Variants in TTC7B observed in about 807,000 individuals in gnomAD.
TTC7B encodes the protein tetratricopeptide repeat protein 7B.
A neutral mutation model predicts 106.8 loss-of-function variants in TTC7B; 28 were observed. The observed-to-expected ratio is 0.26, with a 90% CI of 0.19 to 0.36. TTC7B has a LOEUF of 0.36. Among genes scored for constraint, TTC7B ranks in the 10% least tolerant of loss-of-function variants. The pLI, the probability that TTC7B is intolerant of heterozygous loss-of-function variation, is 1.00. For missense variants in TTC7B, 862 were observed against 1,076.4 expected, an observed-to-expected ratio of 0.80 and a Z score of 2.79; for synonymous variants, 405 against 430.6, an observed-to-expected ratio of 0.94 and a Z score of 0.74.
intron 5 of TTC7B, among the ~76,000 whole-genome samples, chr14:90,695,807 T>C (rs1887722904): frequency 1.3e-5 from 2 of 151,150 alleles, no homozygotes; most frequent in South Asian, 4.1e-4. Context: ...AAAATAAAAA[T>C]TTGAAAATCA....
chr14:90,653,000 A>C (rs1737475614), intron 12 of TTC7B, 102 bp from the exon 13 acceptor site: 1 of 1,270,170 alleles, frequency 7.9e-7, no homozygotes, highest in African/African-American at 1.5e-5. Context: ...ATTAAAAGCA[A>C]CAATGTCTGA....
intron 18 of TTC7B, among the ~76,000 whole-genome samples, chr14:90,588,067 G>A (rs965246555): frequency 2.0e-5 from 3 of 152,184 alleles, no homozygotes; most frequent in East Asian, 1.9e-4. Flanking sequence ...CAGGGACGTC[G>A]TGTTCCCTCT....
chr14:90,607,449 A>G (rs1892689813), intron 17 of TTC7B, among the ~76,000 whole-genome samples: 1 of 152,174 alleles, frequency 6.6e-6, no homozygotes, highest in Non-Finnish European at 1.5e-5. Flanking sequence ...ATAAGCTGCC[A>G]CCCGCCAGGG....
rs555379520 is a variant in TTC7B, at chr14:90,811,743, G to A, written c.121+4432C>T. ...AATGTCTCAAAATCTTATAGGATCC[G>A]ACAGGCAATGATCTCCTAAGGGAGA... On this transcript the variant is annotated intron_variant, in intron 1 of 19. Coordinates refer to ENST00000328459, the MANE Select transcript of TTC7B (RefSeq NM_001010854.2). Among the ~76,000 whole-genome samples, 7 of 152,312 alleles carry A rather than the reference G, an allele frequency of 4.6e-5. No individual in the cohort carries two copies. The South Asian group carries it at 1.0e-3, about 23-fold the overall frequency.
intron 4 of TTC7B, among the ~76,000 whole-genome samples, chr14:90,740,828 T>G (rs566709435): frequency 2.0e-5 from 3 of 152,256 alleles, no homozygotes; most frequent in African/African-American, 7.2e-5. Flanking sequence ...TGAAACAGTA[T>G]GTTTATAATA....
At chr14:90,612,106 C>T (rs1220755840) in intron 16 of TTC7B, among the ~76,000 whole-genome samples, 2 of 152,184 alleles carry the variant, frequency 1.3e-5, no homozygotes, top group Non-Finnish European at 2.9e-5. Flanking sequence ...AGCGATTTCT[C>T]TAACTACATT....
At chr14:90,730,954 T>A (rs1889301407) in intron 4 of TTC7B, among the ~76,000 whole-genome samples, 1 of 152,212 alleles carries the variant, frequency 6.6e-6, no homozygotes, top group South Asian at 2.1e-4. Context: ...TAGCTGCTAC[T>A]CTTTTTTCTG....
In TTC7B at chr14:90,531,240, A is replaced by T. The variant is rs1464117824; in HGVS notation, c.*10128T>A. The T allele has an allele frequency of 2.0e-5, 3 of 151,872 alleles. No individual in the cohort carries two copies. The highest frequency in any genetic ancestry group is 1.3e-4 in the Admixed American group (2 of 15,268). The allele number at this position is 151,872 out of a possible 1,614,324, so 9.4% of individuals were successfully genotyped here. A position where few individuals can be genotyped will look rare whatever the true frequency, so the allele number is the denominator to read the frequency against. ...GGTGTAGGTTTTACGATCACAAAAG[A>T]AAAGAAAAAGCTGCTTGCTTAAACA... is the stretch of plus-strand genomic sequence containing the variant. On this transcript the variant is annotated 3_prime_UTR_variant, in exon 20 of 20. Coordinates refer to ENST00000328459, the MANE Select transcript of TTC7B (RefSeq NM_001010854.2).
intron 1 of TTC7B, among the ~76,000 whole-genome samples, chr14:90,815,707 G>T (rs1394044600): frequency 6.6e-6 from 1 of 151,696 alleles, no homozygotes; most frequent in Non-Finnish European, 1.5e-5. Flanking sequence ...GATTCCCCAG[G>T]GGTCTATGTA....
In TTC7B at chr14:90,578,401, G is replaced by A. The variant is rs1009925745; in HGVS notation, c.2108-93C>T. 3.0e-6 allele frequency: 4 copies of A among 1,343,282 alleles called. No individual in the cohort carries two copies. The African/African-American group carries it at 5.7e-5, about 19-fold the overall frequency. 83.2% of individuals were successfully genotyped at this position (1,343,282 alleles called of 1,614,324 possible). ...TCTGATGTTCGTGTTCCCTGCACGG[G>A]AGTCTGGCGGGGCGCAGAGCCAGCT... On this transcript the variant is annotated intron_variant, in intron 18 of 19. Coordinates refer to ENST00000328459, the MANE Select transcript of TTC7B (RefSeq NM_001010854.2). The surrounding 1 kb of genome is among the most constrained non-coding windows in gnomAD (Gnocchi z 4.7).
rs755870288 is a variant in TTC7B at position 90,647,031 on chromosome 14, A to C, written c.1518-8T>G. ...GGTGACAGGCTGTGGGCCCTGAAAA[A>C]GTATTTACGGCTATTAGTACATGGG... On this transcript the variant is annotated splice_polypyrimidine_tract_variant and splice_region_variant and intron_variant, in intron 13 of 19. Coordinates refer to ENST00000328459, the MANE Select transcript of TTC7B (RefSeq NM_001010854.2). 2 of 1,613,954 alleles carry C rather than the reference A, an allele frequency of 1.2e-6. No individual in the cohort carries two copies. Among genetic ancestry groups the C allele is most frequent in the Non-Finnish European group, 1.7e-6 (2 of 1,179,922 alleles).
intron 9 of TTC7B, 183 bp downstream of exon 9, chr14:90,676,340 A>C: frequency 1.9e-6 from 1 of 536,484 alleles, no homozygotes; most frequent in Non-Finnish European, 3.2e-6. Flanking sequence ...CAATTCCACC[A>C]CCTAATCATT....
At chr14:90,810,228 A>G (rs962344966) in intron 1 of TTC7B, among the ~76,000 whole-genome samples, 2 of 152,208 alleles carry the variant, frequency 1.3e-5, no homozygotes, top group Non-Finnish European at 2.9e-5. Context: ...ATGCCGCCCC[A>G]GACCCCATTG....
chr14:90,676,439 G>A (rs370902232), intron 9 of TTC7B, 84 bp downstream of exon 9: 6 of 1,518,468 alleles, frequency 4.0e-6, no homozygotes. Flanking sequence ...GGGGGGCCCA[G>A]GACCAGGTCT....
chr14:90,554,682 G>T (rs1890229635), intron 19 of TTC7B, among the ~76,000 whole-genome samples: 1 of 152,208 alleles, frequency 6.6e-6, no homozygotes, highest in Admixed American at 6.5e-5. Context: ...TGTAGTCCCA[G>T]CATCTGCCAC....
At position 90,539,142 on chromosome 14, in the gene TTC7B, G is replaced by A. The variant is rs963225516; in HGVS notation, c.*2226C>T. On this transcript the variant is annotated 3_prime_UTR_variant, in exon 20 of 20. Coordinates refer to ENST00000328459, the MANE Select transcript of TTC7B (RefSeq NM_001010854.2). ...CTCTGGTTGTTAAGGCTGGGCCCATGTGTCCATCCTTGAGCCATGTGGGTG... is the reference window on the plus strand; with the variant it reads ...CTCTGGTTGTTAAGGCTGGGCCCATATGTCCATCCTTGAGCCATGTGGGTG... 1 of 152,318 alleles carries A rather than the reference G, an allele frequency of 6.6e-6. No individual in the cohort carries two copies. The highest frequency in any genetic ancestry group is 2.4e-5 in the African/African-American group (1 of 41,466). 9.4% of individuals were successfully genotyped at this position (152,318 alleles called of 1,614,324 possible).
intron 15 of TTC7B, among the ~76,000 whole-genome samples, chr14:90,623,051 G>A (rs1595216852): frequency 6.6e-6 from 1 of 152,022 alleles, no homozygotes; most frequent in East Asian, 1.9e-4. Context: ...ATCCATTTCT[G>A]CCTTTTAAGC....
intron 15 of TTC7B, among the ~76,000 whole-genome samples, chr14:90,622,531 C>A (rs1461637352): frequency 1.3e-5 from 2 of 151,794 alleles, no homozygotes; most frequent in African/African-American, 4.8e-5. Flanking sequence ...AAGTTCAAGA[C>A]CAGCCTGGGC....
At chr14:90,545,261 C>T (rs1246022489) in intron 19 of TTC7B, among the ~76,000 whole-genome samples, 2 of 152,176 alleles carry the variant, frequency 1.3e-5, no homozygotes, top group Non-Finnish European at 2.9e-5. Flanking sequence ...TCTCTCAATG[C>T]GGGCCCCAGG....
Sources: allele counts gnomAD v4.1 joint callset (sites outside exome capture counted in the v4.1 genomes callset), GRCh38; gene constraint gnomAD v4.1.1; non-coding constraint Gnocchi (gnomAD v3.1); transcripts MANE v1.5; gene names NCBI Gene and HGNC (gene_info 2026-07-23, HGNC 2026-07-21).